The following EPHB1 variants were observed in gnomAD, a reference collection of about 807,000 sequenced individuals.
EPHB1 encodes the protein EPH receptor B1.
In EPHB1, 30 loss-of-function variants were observed where a neutral mutation model predicts 94.4. The ratio of observed to expected loss-of-function variants is 0.32; its 90% CI spans 0.24 to 0.43. The LOEUF is 0.43. Ranked by LOEUF, EPHB1 falls within the 20% of genes least tolerant of loss-of-function variation. The probability of loss-of-function intolerance (pLI) is 1.00; values close to 1 mark genes in which losing one functional copy is unlikely to be tolerated. For synonymous variants in EPHB1, 522 were observed against 489.1 expected, an observed-to-expected ratio of 1.07 and a Z score of -0.89; for missense variants, 1,055 against 1,308.3, an observed-to-expected ratio of 0.81 and a Z score of 2.99.
At chr3:135,083,708 A>T (rs1938241261) in intron 3 of EPHB1, among the ~76,000 whole-genome samples, 1 of 151,998 alleles carries the variant, frequency 6.6e-6, no homozygotes, top group Non-Finnish European at 1.5e-5. Flanking sequence ...CTGTTCTCCT[A>T]TTTTTCTAAC....
chr3:135,102,520 T>C (rs944990503), intron 3 of EPHB1, among the ~76,000 whole-genome samples: 1 of 152,158 alleles, frequency 6.6e-6, no homozygotes, highest in African/African-American at 2.4e-5. Context: ...TGATACAAGA[T>C]AAGTTAAAAG....
At chr3:135,180,875 A>G (rs369882209) in intron 10 of EPHB1, among the ~76,000 whole-genome samples, 1 of 152,102 alleles carries the variant, frequency 6.6e-6, no homozygotes, top group African/African-American at 2.4e-5. Flanking sequence ...TTCCTCTTCA[A>G]TTCTTGTTAG....
intron 1 of EPHB1, among the ~76,000 whole-genome samples, chr3:134,849,416 A>G (rs547577347): frequency 2.0e-5 from 3 of 152,300 alleles, no homozygotes. Flanking sequence ...TTTCCAGGGG[A>G]AACAGAATCT....
intron 3 of EPHB1, among the ~76,000 whole-genome samples, chr3:135,006,011 G>A (rs114644022): frequency 1.6e-3 from 247 of 152,290 alleles, no homozygotes; most frequent in African/African-American, 5.7e-3. Flanking sequence ...TAGGCATCTG[G>A]TATTTCTCCT....
intron 1 of EPHB1, among the ~76,000 whole-genome samples, chr3:134,799,027 A>G (rs1367694747): frequency 1.3e-5 from 2 of 152,196 alleles, no homozygotes; most frequent in African/African-American, 2.4e-5. Context: ...GGATGTCCAC[A>G]TGTATTTGAG....
intron 3 of EPHB1, among the ~76,000 whole-genome samples, chr3:135,073,306 T>C (rs1343241051): frequency 6.6e-6 from 1 of 152,224 alleles, no homozygotes; most frequent in Non-Finnish European, 1.5e-5. Context: ...TTGCATCCTC[T>C]GCACCTGTCA....
At chr3:135,026,851 GA>G (rs1467570151) in intron 3 of EPHB1, among the ~76,000 whole-genome samples, 22 of 144,696 alleles carry the variant, frequency 1.5e-4, no homozygotes, top group Non-Finnish European at 1.5e-5. Context: ...CATGAGCATG[GA>G]ATGTTCTTCC....
intron 1 of EPHB1, among the ~76,000 whole-genome samples, chr3:134,819,182 A>G (rs2036332906): frequency 6.6e-6 from 1 of 152,294 alleles, no homozygotes; most frequent in Non-Finnish European, 1.5e-5. Flanking sequence ...AGAGAAATGG[A>G]CGTTAGGTAG....
At chr3:135,022,115 G>A (rs1251282529) in intron 3 of EPHB1, among the ~76,000 whole-genome samples, 2 of 152,154 alleles carry the variant, frequency 1.3e-5, no homozygotes, top group African/African-American at 2.4e-5. Context: ...GAGTAGCTGG[G>A]ACTACAGGCG....
intron 12 of EPHB1, among the ~76,000 whole-genome samples, chr3:135,204,869 C>A (rs2107714180): frequency 7.4e-6 from 1 of 134,542 alleles, no homozygotes. Flanking sequence ...CTATCAAATA[C>A]TAGGTTTTAT....
intron 1 of EPHB1, among the ~76,000 whole-genome samples, chr3:134,818,659 C>A (rs553080600): frequency 6.6e-6 from 1 of 152,294 alleles, no homozygotes; most frequent in African/African-American, 2.4e-5. Flanking sequence ...TAATAGTCTC[C>A]AGTCTCATCC....
rs2107709949 is a variant in EPHB1, at chr3:135,192,625, G to A, written c.1932G>A (p.Arg644=). The A allele has an allele frequency of 6.2e-7, 1 of 1,614,040 alleles. No homozygotes were observed. The highest frequency in any genetic ancestry group is 8.5e-7 in the Non-Finnish European group (1 of 1,179,952). ...YKGRLKLPGK[R]EIYVAIKTLK... is the part of the protein sequence containing the mutation. ...GGCGTTTGAAACTGCCAGGCAAGAG[G>A]GAAATCTACGTGGCCATCAAGACCC... Residue 644 remains arginine, a synonymous_variant, in exon 11 of 16, where the codon AGG becomes AGA. Coordinates refer to ENST00000398015, the MANE Select transcript of EPHB1 (RefSeq NM_004441.5).
intron 3 of EPHB1, among the ~76,000 whole-genome samples, chr3:135,038,334 C>T (rs527621503): frequency 1.8e-4 from 28 of 152,336 alleles, no homozygotes; most frequent in Admixed American, 9.8e-4. Context: ...ACACTTTACC[C>T]GTTCCGAGTC....
intron 2 of EPHB1, among the ~76,000 whole-genome samples, chr3:134,934,166 A>G (rs2038956775): frequency 1.3e-5 from 2 of 152,178 alleles, no homozygotes; most frequent in South Asian, 4.1e-4. Flanking sequence ...ATCCTCCATA[A>G]TTGCACTCAG....
intron 6 of EPHB1, among the ~76,000 whole-genome samples, chr3:135,160,131 A>G (rs1941465406): frequency 6.6e-6 from 1 of 152,158 alleles, no homozygotes; most frequent in Non-Finnish European, 1.5e-5. Context: ...GTCCACCCAC[A>G]GATGTTACAT....
At chr3:134,849,396 C>A (rs1306672184) in intron 1 of EPHB1, among the ~76,000 whole-genome samples, 1 of 152,094 alleles carries the variant, frequency 6.6e-6, no homozygotes, top group Non-Finnish European at 1.5e-5. Flanking sequence ...GGAGAAGAGT[C>A]CTTTTGGCTT....
intron 9 of EPHB1, among the ~76,000 whole-genome samples, chr3:135,176,795 T>TATGTATG (rs1470498106): frequency 6.6e-6 from 1 of 152,210 alleles, no homozygotes; most frequent in African/African-American, 2.4e-5. Flanking sequence ...ATGTATGTCT[T>TATGTATG]TACTTGCAAA....
intron 3 of EPHB1, among the ~76,000 whole-genome samples, chr3:134,964,287 G>A (rs1478297301): frequency 6.6e-6 from 1 of 152,220 alleles, no homozygotes; most frequent in Non-Finnish European, 1.5e-5. Context: ...GATGGAGGCA[G>A]TAACCAGTGA....
At chr3:135,194,463 A>G (rs1942542375) in intron 11 of EPHB1, among the ~76,000 whole-genome samples, 1 of 152,242 alleles carries the variant, frequency 6.6e-6, no homozygotes, top group African/African-American at 2.4e-5. Context: ...TTGCCAGACA[A>G]GCGAGAAGCA....
Sources: allele counts gnomAD v4.1 joint callset (sites outside exome capture counted in the v4.1 genomes callset), GRCh38; gene constraint gnomAD v4.1.1; transcripts MANE v1.5; gene names NCBI Gene and HGNC (gene_info 2026-07-23, HGNC 2026-07-21).